The following NAA25 variants were observed in gnomAD, a reference collection of about 807,000 sequenced individuals.
The protein encoded by NAA25 is N-terminal acetyltransferase B complex subunit NAA25.
NAA25 carries 30 observed loss-of-function variants against 132.5 expected under a neutral mutation model. The observed-to-expected ratio is 0.23, with a 90% CI of 0.17 to 0.31. The LOEUF is 0.31. NAA25 is among the 10% of genes least tolerant of loss of function. The probability of loss-of-function intolerance (pLI) is 1.00; values close to 1 mark genes in which losing one functional copy is unlikely to be tolerated. For missense variants in NAA25, 771 were observed against 1,150.4 expected, an observed-to-expected ratio of 0.67 and a Z score of 4.77; for synonymous variants, 359 against 401.9, an observed-to-expected ratio of 0.89 and a Z score of 1.28.
At chr12:112,091,017 C>T (rs1392093176) in intron 2 of NAA25, among the ~76,000 whole-genome samples, 153 bp from the exon 3 acceptor site, 3 of 152,064 alleles carry the variant, frequency 2.0e-5, no homozygotes, top group Non-Finnish European at 2.9e-5. Context: ...TCTGTAATCC[C>T]GGCACTTTGG....
Position 112,029,517 on chromosome 12 carries a change from TGATA to T in NAA25, c.*10_*13del. 1 of 1,614,030 alleles carries T rather than the reference TGATA, an allele frequency of 6.2e-7. No individual in the cohort carries two copies. The highest frequency in any genetic ancestry group is 1.3e-5 in the African/African-American group (1 of 75,056). On this transcript the variant is annotated 3_prime_UTR_variant, in exon 24 of 24. Coordinates refer to ENST00000261745, the MANE Select transcript of NAA25 (RefSeq NM_024953.4). ...TCTGTTGCAGAGTCATCAGTGCCCA[TGATA>T]GATACTTCCTTAAATTTTTAGTTTC...
At chr12:112,064,838 C>A (rs2078691170) in intron 11 of NAA25, among the ~76,000 whole-genome samples, 1 of 151,154 alleles carries the variant, frequency 6.6e-6, no homozygotes. Flanking sequence ...AGTTCGAGAC[C>A]AGCCTCACGA....
At chr12:112,083,226 T>C (rs574716488) in intron 4 of NAA25, among the ~76,000 whole-genome samples, 201 of 152,276 alleles carry the variant, frequency 1.3e-3, no homozygotes, top group Middle Eastern at 6.8e-3. Flanking sequence ...ACGCCTGTAA[T>C]CCCAACACTT....
rs2136788270 is a variant in NAA25 at position 112,027,861 on chromosome 12, A to C, written c.*1670T>G. Reference sequence around the variant, plus strand: ...AATTCAGAATTAACCACAATTTTCCATTCATCTTGTTCAAGACAGTTCTTC... The same window carrying C: ...AATTCAGAATTAACCACAATTTTCCCTTCATCTTGTTCAAGACAGTTCTTC... On this transcript the variant is annotated 3_prime_UTR_variant, in exon 24 of 24. Transcript: ENST00000261745. 6.6e-6 allele frequency: 1 copy of C among 152,336 alleles called. No individual in the cohort carries two copies. The highest frequency in any genetic ancestry group is 2.4e-5 in the African/African-American group (1 of 41,574). The allele number at this position is 152,336 out of a possible 1,614,324, so 9.4% of individuals were successfully genotyped here.
At chr12:112,083,888 C>T (rs978115767) in intron 4 of NAA25, among the ~76,000 whole-genome samples, 2 of 151,814 alleles carry the variant, frequency 1.3e-5, no homozygotes, top group Non-Finnish European at 1.5e-5. Flanking sequence ...TGAATAAATG[C>T]TTAAAAATAA....
chr12:112,027,603 CCT>C lies in NAA25; in HGVS notation c.*1926_*1927del, dbSNP rs139419515. 2.6e-3 allele frequency: 390 copies of C among 152,368 alleles called. 2 individuals are homozygous for C. The highest frequency in any genetic ancestry group is 9.2e-3 in the African/African-American group (381 of 41,526). The allele number at this position is 152,368 out of a possible 1,614,324, so 9.4% of individuals were successfully genotyped here. ...AAGACCACTAGAGTCACACACTGTC[CCT>C]GAGGACCAAGGCTAGCCCACTGAAC... On this transcript the variant is annotated 3_prime_UTR_variant, in exon 24 of 24. Coordinates refer to ENST00000261745, the MANE Select transcript of NAA25 (RefSeq NM_024953.4).
chr12:112,048,467 G>A, intron 15 of NAA25, 24 bp from the exon 16 acceptor site: 2 of 1,602,882 alleles, frequency 1.2e-6, no homozygotes, highest in Non-Finnish European at 1.7e-6. Flanking sequence ...ACATCACCTT[G>A]GTATAAATAG....
At chr12:112,104,178 T>A (rs754491788) in intron 1 of NAA25, among the ~76,000 whole-genome samples, 6 of 152,208 alleles carry the variant, frequency 3.9e-5, no homozygotes, top group Non-Finnish European at 8.8e-5. Flanking sequence ...AATCCAAGAC[T>A]GCAGGTCAGT....
intron 13 of NAA25, among the ~76,000 whole-genome samples, chr12:112,056,999 C>T (rs1179711564): frequency 6.6e-6 from 1 of 151,858 alleles, no homozygotes; most frequent in African/African-American, 2.4e-5. Flanking sequence ...ACCAACCTGA[C>T]CAACATGGTA....
intron 17 of NAA25, among the ~76,000 whole-genome samples, chr12:112,044,421 A>G (rs1452602646): frequency 2.6e-5 from 4 of 151,956 alleles, no homozygotes; most frequent in Non-Finnish European, 4.4e-5. Flanking sequence ...CTGTTATCCC[A>G]GCACTTTGGA....
At chr12:112,042,509 A>ATT (rs773240054) in intron 19 of NAA25, among the ~76,000 whole-genome samples, 2 of 144,546 alleles carry the variant, frequency 1.4e-5, no homozygotes, top group Non-Finnish European at 1.5e-5. Context: ...TCTTATTTTT[A>ATT]TTTTTTTTTT....
chr12:112,088,062 C>T (rs1211798455), intron 3 of NAA25, among the ~76,000 whole-genome samples: 1 of 152,184 alleles, frequency 6.6e-6, no homozygotes, highest in African/African-American at 2.4e-5. Context: ...AGCACTTTAT[C>T]ATGTAGCCAC....
chr12:112,098,901 G>C (rs1342478605), intron 1 of NAA25, among the ~76,000 whole-genome samples: 1 of 152,096 alleles, frequency 6.6e-6, no homozygotes, highest in Admixed American at 6.6e-5. Context: ...ACCACGCCTG[G>C]CCCTAATCTC....
In NAA25 at chr12:112,090,707, T is replaced by C; in HGVS notation, c.283+19A>G. 1.9e-6 allele frequency: 3 copies of C among 1,593,110 alleles called. No individual in the cohort carries two copies. Among genetic ancestry groups the C allele is most frequent in the Non-Finnish European group, 2.6e-6 (3 of 1,174,058 alleles). On this transcript the variant is annotated intron_variant, in intron 3 of 23. Coordinates refer to ENST00000261745, the MANE Select transcript of NAA25 (RefSeq NM_024953.4). ...ATTTTCAGCTCAAGTTTAAAAACAA[T>C]GAAAAGAAAGAAACATACGTCGGTG...
intron 1 of NAA25, among the ~76,000 whole-genome samples, chr12:112,101,868 CTTT>C (rs112312296): frequency 1.4e-5 from 2 of 142,228 alleles, no homozygotes; most frequent in African/African-American, 2.6e-5. Flanking sequence ...ATCTTTTCAA[CTTT>C]TTTTTTTTTT....
intron 22 of NAA25, chr12:112,037,768 T>C (rs1202137045): frequency 6.6e-6 from 1 of 151,112 alleles, no homozygotes; most frequent in Non-Finnish European, 1.5e-5. Context: ...CATGTCTATA[T>C]TTAACTTCAA....
At chr12:112,074,056 G>C (rs2078856739) in intron 9 of NAA25, among the ~76,000 whole-genome samples, 1 of 151,970 alleles carries the variant, frequency 6.6e-6, no homozygotes, top group Non-Finnish European at 1.5e-5. Flanking sequence ...AATTAAGCCG[G>C]GCGCAATGGC....
intron 9 of NAA25, among the ~76,000 whole-genome samples, chr12:112,073,489 T>G (rs2078846048): frequency 6.6e-6 from 1 of 152,172 alleles, no homozygotes; most frequent in South Asian, 2.1e-4. Context: ...CAGGCTGGAG[T>G]GCAGTGGCAC....
intron 2 of NAA25, among the ~76,000 whole-genome samples, chr12:112,092,217 G>C (rs2079141755): frequency 6.6e-6 from 1 of 151,672 alleles, no homozygotes. Context: ...CTCTAGCCTG[G>C]GCAACACAGC....
Sources: allele counts gnomAD v4.1 joint callset (sites outside exome capture counted in the v4.1 genomes callset), GRCh38; gene constraint gnomAD v4.1.1; transcripts MANE v1.5; gene names NCBI Gene and HGNC (gene_info 2026-07-23, HGNC 2026-07-21).